PARD3: variants seen among roughly 807,000 people sequenced by gnomAD.
PARD3 encodes the protein par-3 family cell polarity regulator, also known as partitioning defective 3 homolog.
Under a neutral mutation model 155.4 loss-of-function variants are expected in PARD3, and 75 were observed. The ratio of observed to expected loss-of-function variants is 0.48; its 90% CI spans 0.40 to 0.58. The LOEUF is 0.58. Ranked by LOEUF, PARD3 falls within the 20% of genes least tolerant of loss-of-function variation. The pLI, the probability that PARD3 is intolerant of heterozygous loss-of-function variation, is 0.00. For missense variants in PARD3, 1,642 were observed against 1,721.7 expected (o/e 0.95, Z 0.82); for synonymous variants, 576 against 610.5 (o/e 0.94, Z 0.83).
chr10:34,144,421 G>A (rs561101333), intron 22 of PARD3, among the ~76,000 whole-genome samples: 1 of 152,054 alleles, frequency 6.6e-6, no homozygotes, highest in East Asian at 1.9e-4. Context: ...TGTAATTCCT[G>A]GTTTGTGATA....
chr10:34,160,801 C>T (rs138499924), intron 22 of PARD3, among the ~76,000 whole-genome samples: 79 of 152,246 alleles, frequency 5.2e-4, no homozygotes, highest in African/African-American at 1.6e-3. Context: ...AGGACAGTGT[C>T]GCCATTAACT....
intron 21 of PARD3, among the ~76,000 whole-genome samples, chr10:34,273,740 G>T (rs1282782318): frequency 6.6e-6 from 1 of 152,040 alleles, no homozygotes; most frequent in Non-Finnish European, 1.5e-5. Context: ...TTTTTTTAAA[G>T]ACAGAAAATT....
At chr10:34,217,544 G>A (rs533963128) in intron 22 of PARD3, among the ~76,000 whole-genome samples, 11 of 152,158 alleles carry the variant, frequency 7.2e-5, no homozygotes, top group Admixed American at 2.0e-4. Flanking sequence ...ATGGGGGGCC[G>A]GTGTGTCAAG....
In PARD3 at chr10:34,660,513, G is replaced by A. The variant is rs577878110; in HGVS notation, c.222+35805C>T. Among the ~76,000 whole-genome samples the A allele has an allele frequency of 2.3e-4, 35 of 152,158 alleles. 1 individual carries two copies. Among genetic ancestry groups the A allele is most frequent in the African/African-American group, 8.4e-4 (35 of 41,510 alleles). Reference sequence around the variant, plus strand: ...GCACGGGGCTGCACTACACACCTGGGTTTAAGGGAGCCTCGGAGGGCATGG... The same window carrying A: ...GCACGGGGCTGCACTACACACCTGGATTTAAGGGAGCCTCGGAGGGCATGG... On this transcript the variant is annotated intron_variant, in intron 2 of 24. Coordinates refer to ENST00000374788, the MANE Select transcript of PARD3 (RefSeq NM_001184785.2).
At chr10:34,594,163 G>A (rs1043339867) in intron 2 of PARD3, among the ~76,000 whole-genome samples, 1 of 152,066 alleles carries the variant, frequency 6.6e-6, no homozygotes, top group Non-Finnish European at 1.5e-5. Context: ...TATGCCCTGA[G>A]GACAATACAG....
chr10:34,616,930 CAA>C (rs1171920434), intron 2 of PARD3, among the ~76,000 whole-genome samples: 102 of 89,186 alleles, frequency 1.1e-3, no homozygotes, highest in Middle Eastern at 7.9e-3. Flanking sequence ...GCACCTGTCT[CAA>C]AAAAAAAAAA....
intron 1 of PARD3, among the ~76,000 whole-genome samples, chr10:34,813,266 A>C (rs970912556): frequency 1.3e-5 from 2 of 152,158 alleles, no homozygotes; most frequent in Non-Finnish European, 2.9e-5. Context: ...CCCTCTTCCT[A>C]TTCAGGAGCC....
At chr10:34,608,453 A>G (rs1308104978) in intron 2 of PARD3, among the ~76,000 whole-genome samples, 1 of 152,146 alleles carries the variant, frequency 6.6e-6, no homozygotes, top group Non-Finnish European at 1.5e-5. Context: ...AGCTCTCTGT[A>G]TCCATGCATT....
chr10:34,814,930 T>G lies in PARD3; in HGVS notation c.66A>C (p.Lys22Asn). The change falls in exon 1 of 25, where the codon AAA becomes AAC. Residue 22 changes from lysine to asparagine, a missense_variant. Lys to Asn is a moderately conservative substitution (Grantham distance 94, BLOSUM62 0). Transcript: ENST00000374788. Reference protein sequence around the residue: ...VVVPCGDGHMKVFSLIQQAVT... With the variant: ...VVVPCGDGHMNVFSLIQQAVT... ...CCGCCTGCTGGATGAGGCTGAAAAC[T>G]TTCATGTGGCCGTCCCCGCACGGCA... 1 of 1,564,298 alleles carries G rather than the reference T, an allele frequency of 6.4e-7. No individual in the cohort carries two copies. Among genetic ancestry groups the G allele is most frequent in the Non-Finnish European group, 8.6e-7 (1 of 1,157,302 alleles).
chr10:34,520,315 G>A (rs934210644), intron 2 of PARD3, among the ~76,000 whole-genome samples: 12 of 152,088 alleles, frequency 7.9e-5, no homozygotes, highest in Non-Finnish European at 1.6e-4. Flanking sequence ...GGAAGAACCA[G>A]TACCAGGGTT....
intron 3 of PARD3, among the ~76,000 whole-genome samples, chr10:34,480,402 T>C (rs1210947725): frequency 1.3e-5 from 2 of 152,146 alleles, no homozygotes; most frequent in Non-Finnish European, 1.5e-5. Flanking sequence ...TCCCGGTTAA[T>C]TAATTTTTTA....
intron 1 of PARD3, among the ~76,000 whole-genome samples, chr10:34,704,470 A>C (rs562744455): frequency 5.3e-5 from 8 of 152,340 alleles, no homozygotes; most frequent in Non-Finnish European, 1.0e-4. Context: ...AACACACACA[A>C]AGAGACAGAG....
chr10:34,215,958 T>A (rs749631391), intron 22 of PARD3, among the ~76,000 whole-genome samples: 1 of 152,242 alleles, frequency 6.6e-6, no homozygotes, highest in South Asian at 2.1e-4. Flanking sequence ...GCATTAAATA[T>A]GTAGTTGTTA....
Position 34,815,143 on chromosome 10 carries a change from G to C in PARD3, c.-148C>G. 4.5e-6 allele frequency: 1 copy of C among 224,582 alleles called. No individual in the cohort carries two copies. The highest frequency in any genetic ancestry group is 7.5e-6 in the Non-Finnish European group (1 of 133,366). The allele number at this position is 224,582 out of a possible 1,614,324, so 13.9% of individuals were successfully genotyped here. A position where few individuals can be genotyped will look rare whatever the true frequency, so the allele number is the denominator to read the frequency against. On this transcript the variant is annotated 5_prime_UTR_variant, in exon 1 of 25. Coordinates refer to ENST00000374788, the MANE Select transcript of PARD3 (RefSeq NM_001184785.2). ...GCGCGGGCAGGCGGCGGCGACGCCGGGGGGCCGCTCAGCTCGCATGCCCGG... is the reference window on the plus strand; with the variant it reads ...GCGCGGGCAGGCGGCGGCGACGCCGCGGGGCCGCTCAGCTCGCATGCCCGG...
At chr10:34,347,602 T>A (rs1389847000) in intron 15 of PARD3, among the ~76,000 whole-genome samples, 12 of 152,244 alleles carry the variant, frequency 7.9e-5, no homozygotes, top group Non-Finnish European at 1.6e-4. Flanking sequence ...AACTTTTGAA[T>A]CCTTTTTGCC....
intron 9 of PARD3, among the ~76,000 whole-genome samples, chr10:34,381,794 T>C (rs1442656139): frequency 6.7e-6 from 1 of 150,342 alleles, no homozygotes; most frequent in African/African-American, 2.4e-5. Context: ...GAGATGGGCA[T>C]GGCGGCATGT....
At chr10:34,759,593 A>G (rs947592582) in intron 1 of PARD3, among the ~76,000 whole-genome samples, 2 of 152,254 alleles carry the variant, frequency 1.3e-5, no homozygotes, top group African/African-American at 2.4e-5. Flanking sequence ...AGAGCAAAGA[A>G]AAAGTATTCA....
chr10:34,559,003 T>A (rs919622161), intron 2 of PARD3, among the ~76,000 whole-genome samples: 16 of 152,144 alleles, frequency 1.1e-4, no homozygotes, highest in Admixed American at 9.2e-4. Flanking sequence ...TCCACACATT[T>A]TTCTAGAAGA....
chr10:34,149,198 G>A (rs916295966), intron 22 of PARD3, among the ~76,000 whole-genome samples: 1 of 152,122 alleles, frequency 6.6e-6, no homozygotes, highest in East Asian at 1.9e-4. Context: ...ATAAATAATA[G>A]GATAAAAACA....
Sources: gnomAD v4.1 joint callset for allele counts (sites outside exome capture counted in the v4.1 genomes callset) on GRCh38, gnomAD v4.1.1 for gene constraint, MANE v1.5 for transcripts, NCBI Gene and HGNC (gene_info 2026-07-23, HGNC 2026-07-21) for gene names.